LRBA: variants seen among roughly 807,000 people sequenced by gnomAD.
LRBA encodes LPS responsive beige-like anchor protein.
A neutral mutation model predicts 330.0 loss-of-function variants in LRBA; 176 were observed. The ratio of observed to expected loss-of-function variants is 0.53; its 90% CI spans 0.47 to 0.60. The LOEUF is 0.60. Among genes scored for constraint, LRBA ranks in the 20% least tolerant of loss-of-function variants. LRBA has a pLI of 0.00. For missense variants in LRBA, 3,259 were observed against 3,444.8 expected, an observed-to-expected ratio of 0.95 and a Z score of 1.35; for synonymous variants, 1,230 against 1,193.0, an observed-to-expected ratio of 1.03 and a Z score of -0.64.
chr4:150,948,480 G>A (rs369419408), intron 2 of LRBA, among the ~76,000 whole-genome samples: 7 of 151,852 alleles, frequency 4.6e-5, no homozygotes, highest in Admixed American at 1.3e-4. Flanking sequence ...TATTGATCAC[G>A]GATTTAAATG....
At chr4:150,432,269 C>A (rs1335491662) in intron 46 of LRBA, among the ~76,000 whole-genome samples, 1 of 151,916 alleles carries the variant, frequency 6.6e-6, no homozygotes, top group African/African-American at 2.4e-5. Context: ...TCCTACCACC[C>A]CACCATCATA....
intron 37 of LRBA, among the ~76,000 whole-genome samples, chr4:150,656,874 G>A (rs1173253700): frequency 1.3e-5 from 2 of 152,210 alleles, no homozygotes; most frequent in Non-Finnish European, 2.9e-5. Context: ...AAGGCACCAT[G>A]AAAGTATTAT....
chr4:150,322,114 G>T (rs2126929041), intron 49 of LRBA, among the ~76,000 whole-genome samples: 1 of 152,166 alleles, frequency 6.6e-6, no homozygotes, highest in Non-Finnish European at 1.5e-5. Context: ...AAATACCTAG[G>T]TGTTCCTCTT....
At chr4:150,981,789 T>C (rs1334879431) in intron 2 of LRBA, among the ~76,000 whole-genome samples, 4 of 151,800 alleles carry the variant, frequency 2.6e-5, no homozygotes, top group Non-Finnish European at 4.4e-5. Context: ...CGAAACCCTG[T>C]GTCTACTAAA....
At chr4:150,402,839 A>G (rs1479939036) in intron 47 of LRBA, among the ~76,000 whole-genome samples, 2 of 152,098 alleles carry the variant, frequency 1.3e-5, no homozygotes, top group African/African-American at 4.8e-5. Context: ...TTAAAAATAT[A>G]GAAAGGAATC....
intron 37 of LRBA, among the ~76,000 whole-genome samples, chr4:150,638,113 C>A (rs1778109972): frequency 6.7e-6 from 1 of 149,424 alleles, no homozygotes; most frequent in Non-Finnish European, 1.5e-5. Flanking sequence ...TTTTTTGCAA[C>A]CTCTGCCTCC....
intron 47 of LRBA, among the ~76,000 whole-genome samples, chr4:150,350,811 A>C (rs1382764948): frequency 6.6e-6 from 1 of 152,208 alleles, no homozygotes; most frequent in Non-Finnish European, 1.5e-5. Context: ...AAGCCATACA[A>C]GGCAAAGACT....
intron 37 of LRBA, among the ~76,000 whole-genome samples, chr4:150,642,954 C>T (rs976911697): frequency 1.3e-5 from 2 of 151,846 alleles, no homozygotes; most frequent in Admixed American, 6.6e-5. Context: ...GTAGCTTTAA[C>T]ATGACACTTA....
At chr4:150,502,862 C>T (rs1355000196) in intron 40 of LRBA, among the ~76,000 whole-genome samples, 3 of 152,228 alleles carry the variant, frequency 2.0e-5, no homozygotes, top group Non-Finnish European at 2.9e-5. Flanking sequence ...CCTAATACTG[C>T]GCTTTCCCAA....
At chr4:150,914,526 TAG>T (rs1732367703) in intron 8 of LRBA, among the ~76,000 whole-genome samples, 185 bp from the exon 9 acceptor site, 1 of 152,092 alleles carries the variant, frequency 6.6e-6, no homozygotes, top group Non-Finnish European at 1.5e-5. Flanking sequence ...TTAGGGGATA[TAG>T]AAAAGTTTGA....
intron 11 of LRBA, among the ~76,000 whole-genome samples, chr4:150,907,143 A>AAG (rs1553995974): frequency 6.2e-5 from 9 of 145,560 alleles, no homozygotes; most frequent in African/African-American, 1.3e-4. Context: ...AACAAAAAAA[A>AAG]AGAGAGAGAG....
chr4:150,377,267 T>G (rs968560150), intron 47 of LRBA, among the ~76,000 whole-genome samples: 1 of 151,390 alleles, frequency 6.6e-6, no homozygotes, highest in African/African-American at 2.4e-5. Context: ...AAGCAAGTAG[T>G]CTAAAATCTA....
rs151107685 is a variant in LRBA at position 150,633,724 on chromosome 4, C to T, written c.5922-34593G>A. ...GGCCATAAGGCCTCGTGTAATCTGG[C>T]TACTATCAATATCTCCACAGTACAC... On this transcript the variant is annotated intron_variant, in intron 37 of 56. Coordinates refer to ENST00000651943, the MANE Select transcript of LRBA (RefSeq NM_001364905.1). Among the ~76,000 whole-genome samples, 1,089 of 152,314 alleles carry T rather than the reference C, an allele frequency of 7.1e-3. 10 individuals carry two copies. The highest frequency in any genetic ancestry group is 0.037 in the Middle Eastern group (11 of 294).
intron 37 of LRBA, among the ~76,000 whole-genome samples, chr4:150,605,853 T>A (rs952444800): frequency 1.3e-5 from 2 of 152,156 alleles, no homozygotes; most frequent in Admixed American, 1.3e-4. Flanking sequence ...GGGCAGCTGA[T>A]CTATGCATTA....
chr4:150,321,232 G>T lies in LRBA; in HGVS notation c.7589C>A (p.Ala2530Asp). The T allele has an allele frequency of 6.2e-7, 1 of 1,611,028 alleles. No homozygotes were observed. The highest frequency in any genetic ancestry group is 8.5e-7 in the Non-Finnish European group (1 of 1,179,044). ...TTTGTTCACCGCAAATAACCTGTTA[G>T]CAGTGACTGTGATCACAGCGGGAGT... ...LATPAVITVT[A>D]NRLFAVNKWH... The change falls in exon 50 of 57, where the codon GCT becomes GAT. Residue 2530 changes from alanine (A) to aspartate (D), a missense_variant. By Grantham distance (126) the Ala-to-Asp change is moderately radical (BLOSUM62 -2). Coordinates refer to ENST00000651943, the MANE Select transcript of LRBA (RefSeq NM_001364905.1). This position sits in a 1 kb window ranked among gnomAD's most constrained non-coding sequence, Gnocchi z 4.5.
intron 40 of LRBA, among the ~76,000 whole-genome samples, chr4:150,549,611 A>T (rs545691299): frequency 3.3e-5 from 5 of 152,174 alleles, no homozygotes; most frequent in Non-Finnish European, 7.4e-5. Flanking sequence ...GATTACAGGC[A>T]TGAGCCACTG....
At chr4:150,654,851 T>C (rs1409984714) in intron 37 of LRBA, among the ~76,000 whole-genome samples, 2 of 152,104 alleles carry the variant, frequency 1.3e-5, no homozygotes, top group African/African-American at 2.4e-5. Context: ...GCTTCATCCA[T>C]GTCCCTACAA....
intron 2 of LRBA, among the ~76,000 whole-genome samples, chr4:150,930,314 C>CAAA (rs33957217): frequency 2.8e-5 from 4 of 142,518 alleles, no homozygotes; most frequent in Non-Finnish European, 3.0e-5. Context: ...GACTCCGTCT[C>CAAA]AAAAAAAAAA....
intron 44 of LRBA, among the ~76,000 whole-genome samples, chr4:150,450,707 C>T (rs1753242257): frequency 6.6e-6 from 1 of 152,022 alleles, no homozygotes; most frequent in Non-Finnish European, 1.5e-5. Flanking sequence ...AACATGTACC[C>T]AAAAATAAAC....
Sources: allele counts gnomAD v4.1 joint callset (sites outside exome capture counted in the v4.1 genomes callset), GRCh38; gene constraint gnomAD v4.1.1; non-coding constraint Gnocchi (gnomAD v3.1); transcripts MANE v1.5; gene names NCBI Gene and HGNC (gene_info 2026-07-23, HGNC 2026-07-21).